The following PDP1 variants were observed in gnomAD, a reference collection of about 807,000 sequenced individuals.
The protein encoded by PDP1 is pyruvate dehydrogenase phosphatase catalytic subunit 1, also known as pyruvate dehyrogenase phosphatase catalytic subunit 1.
Under a neutral mutation model 37.1 loss-of-function variants are expected in PDP1, and 14 were observed. The observed-to-expected ratio is 0.38, with a 90% CI of 0.25 to 0.59. PDP1 has a LOEUF of 0.59. Ranked by LOEUF, PDP1 falls within the 20% of genes least tolerant of loss-of-function variation. PDP1 has a pLI of 0.67. For synonymous variants in PDP1, 251 were observed against 243.3 expected (o/e 1.03, Z -0.29); for missense variants, 544 against 655.3 (o/e 0.83, Z 1.85).
chr8:93,924,057 T>C lies in PDP1; in HGVS notation c.*384T>C. 4.0e-6 allele frequency: 1 copy of C among 249,764 alleles called. No homozygotes were observed. The highest frequency in any genetic ancestry group is 6.4e-5 in the South Asian group (1 of 15,724). The allele number at this position is 249,764 out of a possible 1,614,324, so 15.5% of individuals were successfully genotyped here. A position where few individuals can be genotyped will look rare whatever the true frequency, so the allele number is the denominator to read the frequency against. ...GTGAAGAAACAGTACTGTTCACACCTTTCTTCACTGAGATTCCAGTGTACA... is the reference window on the plus strand; with the variant it reads ...GTGAAGAAACAGTACTGTTCACACCCTTCTTCACTGAGATTCCAGTGTACA... On this transcript the variant is annotated 3_prime_UTR_variant, in exon 2 of 2. Transcript: ENST00000297598.
At chr8:93,917,128 C>G in intron 1 of PDP1, 49 bp downstream of exon 1, 1 of 454,436 alleles carries the variant, frequency 2.2e-6, no homozygotes, top group Non-Finnish European at 4.3e-6. Flanking sequence ...CGGGATCCTC[C>G]ACCCGTCCAA....
intron 1 of PDP1, chr8:93,921,806 G>C: frequency 2.0e-6 from 1 of 509,238 alleles, no homozygotes; most frequent in Non-Finnish European, 3.4e-6. Flanking sequence ...CAGGAGTTCA[G>C]TCGTGGTTCC....
intron 1 of PDP1, chr8:93,920,739 T>A (rs1810242743): frequency 1.0e-5 from 9 of 864,122 alleles, no homozygotes; most frequent in East Asian, 1.2e-4. Flanking sequence ...TTTTTTTTTT[T>A]AATGTGAGAG....
At chr8:93,921,549 G>A (rs1345565202) in intron 1 of PDP1, among the ~76,000 whole-genome samples, 1 of 152,106 alleles carries the variant, frequency 6.6e-6, no homozygotes, top group Non-Finnish European at 1.5e-5. Context: ...GCCAAAAATT[G>A]ACCACAGGTC....
chr8:93,921,818 C>T (rs770414762), intron 1 of PDP1, 198 bp from the exon 2 acceptor site: 120 of 513,522 alleles, frequency 2.3e-4, no homozygotes, highest in Non-Finnish European at 2.6e-4. Flanking sequence ...CGTGGTTCCA[C>T]GAATGATTGG....
intron 1 of PDP1, 118 bp downstream of exon 1, chr8:93,917,197 T>TGGACGAGCCCTGGAGCGCC (rs1810090562): frequency 3.0e-6 from 1 of 336,910 alleles, no homozygotes; most frequent in South Asian, 2.3e-5. Flanking sequence ...TGCGGAGGGC[T>TGGACGAGCCCTGGAGCGCC]GGACGAGCCC....
chr8:93,922,739 C>T lies in PDP1; in HGVS notation c.680C>T (p.Ser227Leu), dbSNP rs771889434. The T allele has an allele frequency of 7.4e-6, 12 of 1,613,932 alleles. No homozygotes were observed. The highest frequency in any genetic ancestry group is 3.3e-5 in the South Asian group (3 of 91,070). The change falls in exon 2 of 2, where the codon TCG (serine) becomes TTG (leucine). Residue 227 changes from serine (S) to leucine (L), a missense_variant. Ser to Leu is a moderately radical substitution (Grantham distance 145). Around this residue, in one of 5 missense-constraint regions of PDP1, gnomAD observed 342 missense variants for 414.0 expected, o/e 0.83. Coordinates refer to ENST00000297598, the MANE Select transcript of PDP1 (RefSeq NM_018444.4). This position sits in a 1 kb window ranked among gnomAD's most constrained non-coding sequence, Gnocchi z 4.0. ...CTTATAGACCTCAACACTGGTGAGT[C>T]GACTGATATTGATGTTAAGGAGGCT... ...QELIDLNTGE[S>L]TDIDVKEALI...
intron 1 of PDP1, among the ~76,000 whole-genome samples, chr8:93,918,167 CT>C (rs1349622804): frequency 6.6e-6 from 1 of 152,126 alleles, no homozygotes; most frequent in Non-Finnish European, 1.5e-5. Flanking sequence ...GCGTGTGGTG[CT>C]TCGTATCTTT....
rs1183941927 is a variant in PDP1 at position 93,922,901 on chromosome 8, G to A, written c.842G>A (p.Gly281Asp). 6.2e-7 allele frequency: 1 copy of A among 1,614,218 alleles called. No individual in the cohort carries two copies. The highest frequency in any genetic ancestry group is 8.5e-7 in the Non-Finnish European group (1 of 1,180,032). The change falls in exon 2 of 2, where the codon GGT (glycine) becomes GAT (aspartate). Residue 281 changes from glycine to aspartate, a missense_variant. Physicochemically the swap from Gly to Asp is moderately conservative, Grantham distance 94 (BLOSUM62 -1). Coordinates refer to ENST00000297598, the MANE Select transcript of PDP1 (RefSeq NM_018444.4). This position sits in a 1 kb window ranked among gnomAD's most constrained non-coding sequence, Gnocchi z 4.0. ...ACTGCTTGTGTGGCCCATGTGGATG[G>A]TGTTGACCTTCATGTGGCCAATACT... ...GATACVAHVD[G>D]VDLHVANTGD... is the part of the protein sequence containing the mutation.
intron 1 of PDP1, chr8:93,919,090 C>A (rs972489840): frequency 1.1e-6 from 1 of 947,576 alleles, no homozygotes; most frequent in Non-Finnish European, 1.3e-6. Flanking sequence ...TGTTTTTAAT[C>A]TCAAGAATTT....
chr8:93,918,009 TG>T, intron 1 of PDP1: 1 of 1,581,424 alleles, frequency 6.3e-7, no homozygotes, highest in South Asian at 1.1e-5. Context: ...TTTTTGTGTA[TG>T]GATGGTTTTA....
At chr8:93,917,439 C>T (rs1041522761) in intron 1 of PDP1, among the ~76,000 whole-genome samples, 14 of 151,908 alleles carry the variant, frequency 9.2e-5, no homozygotes, top group African/African-American at 3.1e-4. Flanking sequence ...CACCCCGGGT[C>T]AGGGCTGGCC....
At chr8:93,920,649 A>G (rs1287569957) in intron 1 of PDP1, 1 of 948,354 alleles carries the variant, frequency 1.1e-6, no homozygotes, top group East Asian at 1.2e-4. Context: ...GTTTGTAATT[A>G]TATTGCTGTA....
At chr8:93,921,254 A>C (rs769669407) in intron 1 of PDP1, 16 of 979,836 alleles carry the variant, frequency 1.6e-5, no homozygotes, top group Non-Finnish European at 1.9e-5. Context: ...CAAAGATGTG[A>C]GCTGACTTTT....
rs1250372108 is a variant in PDP1 at position 93,922,239 on chromosome 8, G to C, written c.180G>C (p.Glu60Asp). Residue 60 changes from glutamate (E) to aspartate (D), a missense_variant, in exon 2 of 2, where the codon GAG becomes GAC. Transcript: ENST00000297598. The surrounding 1 kb of genome is among the most constrained non-coding windows in gnomAD (Gnocchi z 4.0). ...PAYATFCRPKENWWQYTQGRR... is the reference protein window; with the variant it reads ...PAYATFCRPKDNWWQYTQGRR... Reference sequence around the variant, plus strand: ...ATGCTACCTTTTGCAGGCCAAAGGAGAACTGGTGGCAGTACACCCAAGGAA... The same window carrying C: ...ATGCTACCTTTTGCAGGCCAAAGGACAACTGGTGGCAGTACACCCAAGGAA... 1.2e-6 allele frequency: 2 copies of C among 1,614,160 alleles called. No individual in the cohort carries two copies. Among genetic ancestry groups the C allele is most frequent in the Middle Eastern group, 1.7e-4 (1 of 6,060 alleles).
chr8:93,917,976 T>C (rs773660203), intron 1 of PDP1: 1 of 1,611,630 alleles, frequency 6.2e-7, no homozygotes, highest in South Asian at 1.1e-5. Flanking sequence ...CTGCGTTGGG[T>C]ACCCAGGAAG....
chr8:93,917,769 C>A (rs1323412886), intron 1 of PDP1: 1 of 1,554,290 alleles, frequency 6.4e-7, no homozygotes, highest in South Asian at 1.2e-5. Flanking sequence ...GGAGCGAGAC[C>A]TCGCCCCTCC....
At position 93,922,713 on chromosome 8, in the gene PDP1, G is replaced by A. The variant is rs749570505; in HGVS notation, c.654G>A (p.Glu218=). The change falls in exon 2 of 2, where the codon GAG becomes GAA. Residue 218 remains glutamate (E), a synonymous_variant. Coordinates refer to ENST00000297598, the MANE Select transcript of PDP1 (RefSeq NM_018444.4). The surrounding 1 kb of genome is among the most constrained non-coding windows in gnomAD (Gnocchi z 4.0). ...YFNSLRTYWQ[E]LIDLNTGEST... ...ACAGCTTGAGGACTTACTGGCAAGA[G>A]CTTATAGACCTCAACACTGGTGAGT... is the stretch of plus-strand genomic sequence containing the variant. 2 of 1,614,102 alleles carry A rather than the reference G, an allele frequency of 1.2e-6. No individual in the cohort carries two copies. The highest frequency in any genetic ancestry group is 1.7e-6 in the Non-Finnish European group (2 of 1,179,974).
chr8:93,923,205 C>G lies in PDP1; in HGVS notation c.1146C>G (p.Thr382=), dbSNP rs1331534041. ...GPDQLNDNEY[T]KFIPPNYHTP... Reference sequence around the variant, plus strand: ...ACCAGTTGAATGACAATGAATATACCAAGTTTATTCCTCCTAATTATCACA... The same window carrying G: ...ACCAGTTGAATGACAATGAATATACGAAGTTTATTCCTCCTAATTATCACA... Residue 382 remains threonine, a synonymous_variant, in exon 2 of 2, where the codon ACC becomes ACG. Coordinates refer to ENST00000297598, the MANE Select transcript of PDP1 (RefSeq NM_018444.4). The surrounding 1 kb of genome is among the most constrained non-coding windows in gnomAD (Gnocchi z 4.3). 1 of 1,613,098 alleles carries G rather than the reference C, an allele frequency of 6.2e-7. No individual in the cohort carries two copies. Among genetic ancestry groups the G allele is most frequent in the African/African-American group, 1.3e-5 (1 of 74,996 alleles).
Sources: gnomAD v4.1 joint callset for allele counts (sites outside exome capture counted in the v4.1 genomes callset) on GRCh38, gnomAD v4.1.1 for gene constraint, gnomAD v4.1.1 regional missense constraint, Gnocchi (gnomAD v3.1) non-coding constraint, MANE v1.5 for transcripts, NCBI Gene and HGNC (gene_info 2026-07-23, HGNC 2026-07-21) for gene names.